VMP1: variants seen among roughly 807,000 people sequenced by gnomAD.
VMP1 encodes vacuole membrane protein 1.
Under a neutral mutation model 56.0 loss-of-function variants are expected in VMP1, and 11 were observed. That is an observed-to-expected ratio of 0.20 (90% CI 0.12 to 0.32). The LOEUF is 0.32. Among genes scored for constraint, VMP1 ranks in the 10% least tolerant of loss-of-function variants. The probability of loss-of-function intolerance (pLI) is 1.00; values close to 1 mark genes in which losing one functional copy is unlikely to be tolerated. For synonymous variants in VMP1, 149 were observed against 165.0 expected (o/e 0.90, Z 0.74); for missense variants, 296 against 490.3 (o/e 0.60, Z 3.74).
At chr17:59,724,889 C>T (rs567031721) in intron 1 of VMP1, among the ~76,000 whole-genome samples, 1 of 152,046 alleles carries the variant, frequency 6.6e-6, no homozygotes, top group Non-Finnish European at 1.5e-5. Flanking sequence ...TGGCATGAAC[C>T]CGGGAGGTGG....
Position 59,773,818 on chromosome 17 carries a change from G to A in VMP1, c.647G>A (p.Gly216Asp), listed in dbSNP as rs755533099. The A allele has an allele frequency of 2.5e-6, 4 of 1,613,840 alleles. No homozygotes were observed. Among genetic ancestry groups the A allele is most frequent in the East Asian group, 2.2e-5 (1 of 44,864 alleles). ...ATGGCCAGAGCAGCTCGCCTCTCAGGTGCTGAACCAGATGATGAAGAGTAT... is the reference window on the plus strand; with the variant it reads ...ATGGCCAGAGCAGCTCGCCTCTCAGATGCTGAACCAGATGATGAAGAGTAT... Reference protein sequence around the residue: ...YFMARAARLSGAEPDDEEYQE... With the variant: ...YFMARAARLSDAEPDDEEYQE... The change falls in exon 7 of 12, where the codon GGT becomes GAT. Residue 216 changes from glycine (G) to aspartate (D), a missense_variant. Around this residue, in one of 4 missense-constraint regions of VMP1, gnomAD observed 126 missense variants for 231.6 expected, o/e 0.54. Transcript: ENST00000262291.
intron 7 of VMP1, among the ~76,000 whole-genome samples, chr17:59,807,663 T>C (rs2037892599): frequency 6.6e-6 from 1 of 151,560 alleles, no homozygotes; most frequent in African/African-American, 2.4e-5. Flanking sequence ...TGAAACCTCG[T>C]CTCTACTAAA....
intron 10 of VMP1, among the ~76,000 whole-genome samples, chr17:59,823,319 C>T (rs1006329474): frequency 1.3e-5 from 2 of 151,708 alleles, no homozygotes; most frequent in African/African-American, 4.8e-5. Context: ...GGCATGGTGC[C>T]GCATGCCTGT....
At chr17:59,802,932 G>A (rs1175201941) in intron 7 of VMP1, among the ~76,000 whole-genome samples, 1 of 152,118 alleles carries the variant, frequency 6.6e-6, no homozygotes, top group East Asian at 1.9e-4. Flanking sequence ...TTTTAGTAGA[G>A]ATGACGTTTC....
In VMP1 at chr17:59,713,685, T is replaced by C. The variant is rs1358369517; in HGVS notation, c.-27+5937T>C. On this transcript the variant is annotated intron_variant, in intron 1 of 11. Coordinates refer to ENST00000262291, the MANE Select transcript of VMP1 (RefSeq NM_030938.5). ...CAACATGGCAAAACCCCATCTCTCT[T>C]TTTTTTTTTTTTTTTTTGTTAAAAA... 4.9e-3 allele frequency among the ~76,000 whole-genome samples: 352 copies of C among 71,984 alleles called. 3 individuals are homozygous for C. In the East Asian group the frequency reaches 0.05, roughly 10 times the overall value. The allele number at this position is 71,984 out of a possible 152,430, so 47.2% of individuals were successfully genotyped here. A position where few individuals can be genotyped will look rare whatever the true frequency, so the allele number is the denominator to read the frequency against.
intron 9 of VMP1, among the ~76,000 whole-genome samples, chr17:59,813,685 G>A (rs1313762558): frequency 6.6e-6 from 1 of 151,926 alleles, no homozygotes. Context: ...AATCTTTAGA[G>A]TTGTTTCTAG....
rs1182308132 is a variant in VMP1 at position 59,758,868 on chromosome 17, G to A, written c.415-6103G>A. 5.3e-5 allele frequency among the ~76,000 whole-genome samples: 8 copies of A among 152,074 alleles called. No homozygotes were observed. The East Asian group carries it at 1.6e-3, about 30-fold the overall frequency. On this transcript the variant is annotated intron_variant, in intron 5 of 11. Coordinates refer to ENST00000262291, the MANE Select transcript of VMP1 (RefSeq NM_030938.5). The stretch of plus-strand genomic sequence containing the variant: ...CCAGCACTTTGAGAGACTGAGGTGG[G>A]TAGATCACTTGAGCCCAAGAGTTAG...
chr17:59,821,316 C>T (rs2038441851), intron 10 of VMP1, among the ~76,000 whole-genome samples: 1 of 152,032 alleles, frequency 6.6e-6, no homozygotes, highest in Admixed American at 6.6e-5. Context: ...ACCCCACTGG[C>T]ATGGCCCCTC....
intron 5 of VMP1, among the ~76,000 whole-genome samples, chr17:59,740,462 C>A (rs906326770): frequency 6.6e-6 from 1 of 152,206 alleles, no homozygotes; most frequent in Admixed American, 6.5e-5. Context: ...ATAATGAATT[C>A]ATCTCTGAAG....
chr17:59,769,294 G>C (rs2036345786), intron 6 of VMP1, among the ~76,000 whole-genome samples: 1 of 151,574 alleles, frequency 6.6e-6, no homozygotes, highest in South Asian at 2.1e-4. Flanking sequence ...TAGGATTACA[G>C]GCATGCGCCA....
At chr17:59,768,916 T>A (rs1490381462) in intron 6 of VMP1, among the ~76,000 whole-genome samples, 2 of 151,776 alleles carry the variant, frequency 1.3e-5, no homozygotes, top group African/African-American at 4.8e-5. Flanking sequence ...AGGTCAGGTG[T>A]TCAAGACCAG....
intron 7 of VMP1, among the ~76,000 whole-genome samples, chr17:59,777,068 A>T (rs1356194750): frequency 6.6e-6 from 1 of 152,162 alleles, no homozygotes; most frequent in East Asian, 1.9e-4. Context: ...AGATTATATC[A>T]ATTCCATTTT....
chr17:59,812,025 T>C (rs1335992454), intron 9 of VMP1, among the ~76,000 whole-genome samples: 1 of 152,138 alleles, frequency 6.6e-6, no homozygotes, highest in Non-Finnish European at 1.5e-5. Flanking sequence ...TCTCTTTCTT[T>C]CTTTATTTTT....
chr17:59,768,190 A>G (rs1225435785), intron 6 of VMP1, among the ~76,000 whole-genome samples: 2 of 152,160 alleles, frequency 1.3e-5, no homozygotes, highest in African/African-American at 4.8e-5. Context: ...AATAGGTCAA[A>G]TGTTTGCTCT....
intron 5 of VMP1, among the ~76,000 whole-genome samples, chr17:59,749,169 T>G (rs9896742): frequency 0.44 from 65,375 of 150,098 alleles, 16,391 homozygotes; most frequent in African/African-American, 0.69. Flanking sequence ...GTGTTAGTCA[T>G]GCTGGCCTTG....
At chr17:59,825,707 G>T (rs1252870508) in intron 10 of VMP1, among the ~76,000 whole-genome samples, 2 of 152,214 alleles carry the variant, frequency 1.3e-5, no homozygotes, top group African/African-American at 4.8e-5. Context: ...GATGGTGTTG[G>T]CTGGAACAGG....
chr17:59,823,497 C>A (rs1264284694), intron 10 of VMP1, among the ~76,000 whole-genome samples: 1 of 150,530 alleles, frequency 6.6e-6, no homozygotes, highest in Non-Finnish European at 1.5e-5. Context: ...TACCTGTAAT[C>A]CCAGCACTTT....
intron 9 of VMP1, among the ~76,000 whole-genome samples, chr17:59,817,446 G>A (rs1162112197): frequency 6.6e-6 from 1 of 151,492 alleles, no homozygotes; most frequent in Non-Finnish European, 1.5e-5. Context: ...CCGCCTCCTG[G>A]GTTCAAGCAA....
chr17:59,797,166 C>G (rs562992897), intron 7 of VMP1, among the ~76,000 whole-genome samples: 3 of 145,358 alleles, frequency 2.1e-5, no homozygotes, highest in Non-Finnish European at 3.0e-5. Flanking sequence ...ACCCCCCCCC[C>G]GTCTCTACTA....
Sources: gnomAD v4.1 joint callset for allele counts (sites outside exome capture counted in the v4.1 genomes callset) on GRCh38, gnomAD v4.1.1 for gene constraint, gnomAD v4.1.1 regional missense constraint, MANE v1.5 for transcripts, NCBI Gene and HGNC (gene_info 2026-07-23, HGNC 2026-07-21) for gene names.